Variants in BMP1 observed in about 807,000 individuals in gnomAD.
The protein encoded by BMP1 is bone morphogenetic protein 1.
Under a neutral mutation model 116.8 loss-of-function variants are expected in BMP1, and 63 were observed. The ratio of observed to expected loss-of-function variants is 0.54; its 90% CI spans 0.44 to 0.67. BMP1 has a LOEUF of 0.67. BMP1 is among the 30% of genes least tolerant of loss of function. The probability of loss-of-function intolerance (pLI) is 0.00; values close to 1 mark genes in which losing one functional copy is unlikely to be tolerated. For synonymous variants in BMP1, 536 were observed against 533.4 expected (o/e 1.00, Z -0.07); for missense variants, 1,183 against 1,358.9 (o/e 0.87, Z 2.04).
At chr8:22,197,172 C>A in intron 14 of BMP1, 68 bp from the exon 15 acceptor site, 1 of 1,557,682 alleles carries the variant, frequency 6.4e-7, no homozygotes. Flanking sequence ...CAGAGAGCTT[C>A]CCGAGGGCAG....
intron 15 of BMP1, among the ~76,000 whole-genome samples, chr8:22,200,724 T>C (rs1829236233): frequency 6.6e-6 from 1 of 152,158 alleles, no homozygotes; most frequent in Non-Finnish European, 1.5e-5. Flanking sequence ...ACACACTCTG[T>C]AGATGTCGCC....
chr8:22,190,179 C>A (rs980933476), intron 8 of BMP1, among the ~76,000 whole-genome samples: 2 of 152,210 alleles, frequency 1.3e-5, no homozygotes, highest in Admixed American at 6.5e-5. Flanking sequence ...CCTGCCTTGG[C>A]CTCCCAATGT....
At chr8:22,207,867 T>TA (rs1489810941) in intron 18 of BMP1, among the ~76,000 whole-genome samples, 8 of 150,800 alleles carry the variant, frequency 5.3e-5, no homozygotes, top group African/African-American at 2.0e-4. Flanking sequence ...GATATTTATT[T>TA]TTTTATTTTT....
rs373745614 is a variant in BMP1, at chr8:22,209,668, C to T, written c.2799C>T (p.Pro933=). The T allele has an allele frequency of 6.2e-7, 1 of 1,614,006 alleles. No homozygotes were observed. Among genetic ancestry groups the T allele is most frequent in the South Asian group, 1.1e-5 (1 of 91,080 alleles). Reference sequence around the variant, plus strand: ...TCGACGGCTACGACAGCACAGCCCCCAGGCTGGGGCGCTACTGTGGCTCAG... The same window carrying T: ...TCGACGGCTACGACAGCACAGCCCCTAGGCTGGGGCGCTACTGTGGCTCAG... The part of the protein sequence containing the change: ...ELFDGYDSTA[P]RLGRYCGSGP... The change falls in exon 19 of 20, where the codon CCC becomes CCT. Residue 933 remains proline (P), a synonymous_variant. Transcript: ENST00000306385.
rs776421848 is a variant in BMP1 at position 22,180,445 on chromosome 8, C to T, written c.1039C>T (p.His347Tyr). 5 of 1,613,920 alleles carry T rather than the reference C, an allele frequency of 3.1e-6. No homozygotes were observed. The highest frequency in any genetic ancestry group is 4.5e-5 in the East Asian group (2 of 44,886). Residue 347 changes from histidine (H) to tyrosine (Y), a missense_variant, in exon 8 of 20, where the codon CAC becomes TAC. Physicochemically the swap from His to Tyr is moderately conservative, Grantham distance 83. Coordinates refer to ENST00000306385, the MANE Select transcript of BMP1 (RefSeq NM_006129.5). ...EYPNGYSAHM[H>Y]CVWRISVTPG... ...CCCCAATGGCTACTCTGCTCACATG[C>T]ACTGCGTGTGGCGCATCTCTGTCAC...
intron 15 of BMP1, among the ~76,000 whole-genome samples, chr8:22,200,765 C>T (rs181816671): frequency 2.5e-4 from 38 of 152,238 alleles, no homozygotes; most frequent in Admixed American, 2.4e-3. Flanking sequence ...AGAGCTCTCC[C>T]CAGCCCTTCC....
In BMP1 at chr8:22,187,487, C is replaced by T. The variant is rs550069665; in HGVS notation, c.1078-4562C>T. 4.0e-4 allele frequency among the ~76,000 whole-genome samples: 60 copies of T among 149,066 alleles called. No homozygotes were observed. The East Asian group carries it at 0.011, about 27-fold the overall frequency. On this transcript the variant is annotated intron_variant, in intron 8 of 19. Transcript: ENST00000306385. ...CTGGGACTACAGGAGCCCGCCACCA[C>T]GCCCGGCTAATTTTTTTTTTTTTTT...
chr8:22,189,005 C>T (rs1406474445), intron 8 of BMP1, among the ~76,000 whole-genome samples: 4 of 152,154 alleles, frequency 2.6e-5, no homozygotes, highest in Non-Finnish European at 5.9e-5. Context: ...CTTCTTCCAC[C>T]CAGCAACTCT....
intron 16 of BMP1, 142 bp from the exon 17 acceptor site, chr8:22,206,712 C>G (rs1025640389): frequency 2.4e-6 from 3 of 1,262,118 alleles, no homozygotes; most frequent in East Asian, 4.9e-5. Context: ...GAAAAAGAAA[C>G]GATGCCTGCC....
intron 16 of BMP1, among the ~76,000 whole-genome samples, chr8:22,205,026 G>T (rs1829327747): frequency 1.3e-5 from 2 of 152,166 alleles, no homozygotes; most frequent in South Asian, 4.1e-4. Context: ...CTCCCAGAAG[G>T]GCAGTCCATC....
chr8:22,173,966 G>A (rs1289620971), intron 2 of BMP1, among the ~76,000 whole-genome samples: 3 of 152,192 alleles, frequency 2.0e-5, no homozygotes, highest in Non-Finnish European at 2.9e-5. Context: ...CAAAAGTATT[G>A]TCTAGCCTGA....
At chr8:22,190,131 G>A (rs1316682841) in intron 8 of BMP1, among the ~76,000 whole-genome samples, 1 of 151,910 alleles carries the variant, frequency 6.6e-6, no homozygotes, top group Non-Finnish European at 1.5e-5. Flanking sequence ...CACCATGTTG[G>A]CCAGGCTGGT....
At chr8:22,172,440 G>T (rs1278278907) in intron 1 of BMP1, among the ~76,000 whole-genome samples, 1 of 151,876 alleles carries the variant, frequency 6.6e-6, no homozygotes, top group Non-Finnish European at 1.5e-5. Flanking sequence ...CTTTAGGGAG[G>T]CTCTCTTCCC....
At chr8:22,210,575 G>A (rs1202174242) in intron 19 of BMP1, among the ~76,000 whole-genome samples, 1 of 151,958 alleles carries the variant, frequency 6.6e-6, no homozygotes, top group East Asian at 1.9e-4. Flanking sequence ...TGTATCCCAG[G>A]CAGCCTGGGT....
rs771997840 is a variant in BMP1 at position 22,194,790 on chromosome 8, A to C, written c.1510A>C (p.Thr504Pro). 8 of 1,613,762 alleles carry C rather than the reference A, an allele frequency of 5.0e-6. No homozygotes were observed. In the African/African-American group the frequency reaches 9.3e-5, roughly 19 times the overall value. Residue 504 changes from threonine to proline, a missense_variant, in exon 12 of 20, where the codon ACC (threonine) becomes CCC (proline). By Grantham distance (38) the Thr-to-Pro change is conservative. This residue lies in a region of BMP1 where 956 missense variants were observed against 1,135.2 expected (regional missense o/e 0.84). Transcript: ENST00000306385. This position sits in a 1 kb window ranked among gnomAD's most constrained non-coding sequence, Gnocchi z 4.5. ...EVRDGHSESS[T>P]LIGRYCGYEK... Reference sequence around the variant, plus strand: ...GCGCGACGGGCACAGTGAGAGCAGCACCCTCATCGGGCGCTACTGTGGCTA... The same window carrying C: ...GCGCGACGGGCACAGTGAGAGCAGCCCCCTCATCGGGCGCTACTGTGGCTA...
chr8:22,185,881 G>C (rs968640116), intron 8 of BMP1, among the ~76,000 whole-genome samples: 2 of 145,232 alleles, frequency 1.4e-5, no homozygotes, highest in African/African-American at 5.3e-5. Context: ...TGTCCCCCAG[G>C]CTGGAGTGCA....
In BMP1 at chr8:22,195,469, C is replaced by A. The variant is rs762449236; in HGVS notation, c.1647C>A (p.Asp549Glu). Residue 549 changes from aspartate to glutamate, a missense_variant, in exon 13 of 20, where the codon GAC (aspartate) becomes GAA (glutamate). By Grantham distance (45) the Asp-to-Glu change is conservative (BLOSUM62 2). This residue lies in a region of BMP1 where 956 missense variants were observed against 1,135.2 expected (regional missense o/e 0.84). Coordinates refer to ENST00000306385, the MANE Select transcript of BMP1 (RefSeq NM_006129.5). ...GFAVNFFKEV[D>E]ECSRPNRGGC... ...CTTTCCTTCCCACCACAGAGGTGGA[C>A]GAGTGCTCTCGGCCCAACCGCGGGG... 6.2e-7 allele frequency: 1 copy of A among 1,606,820 alleles called. No individual in the cohort carries two copies. The highest frequency in any genetic ancestry group is 1.7e-5 in the Admixed American group (1 of 57,588).
At chr8:22,191,975 G>A in intron 8 of BMP1, 74 bp from the exon 9 acceptor site, 4 of 1,370,776 alleles carry the variant, frequency 2.9e-6, no homozygotes, top group Non-Finnish European at 4.1e-6. Context: ...GCGGGCGGTG[G>A]TCATCATGGG....
At chr8:22,196,589 A>C in intron 13 of BMP1, 91 bp from the exon 14 acceptor site, 1 of 1,576,838 alleles carries the variant, frequency 6.3e-7, no homozygotes, top group Non-Finnish European at 8.6e-7. Flanking sequence ...CAGGCTCCCC[A>C]TCTTCTCCTT....
Sources: allele counts gnomAD v4.1 joint callset (sites outside exome capture counted in the v4.1 genomes callset), GRCh38; gene constraint gnomAD v4.1.1; regional missense constraint gnomAD v4.1.1; non-coding constraint Gnocchi (gnomAD v3.1); transcripts MANE v1.5; gene names NCBI Gene and HGNC (gene_info 2026-07-23, HGNC 2026-07-21).